The following POU2F3 variants were observed in gnomAD, a reference collection of about 807,000 sequenced individuals.
POU2F3 encodes POU class 2 homeobox 3, also known as POU domain, class 2, transcription factor 3.
Under a neutral mutation model 59.2 loss-of-function variants are expected in POU2F3, and 23 were observed. The observed-to-expected ratio is 0.39, with a 90% CI of 0.28 to 0.55. POU2F3 has a LOEUF of 0.55. Ranked by LOEUF, POU2F3 falls within the 20% of genes least tolerant of loss-of-function variation. The probability of loss-of-function intolerance (pLI) is 0.66; values close to 1 mark genes in which losing one functional copy is unlikely to be tolerated. For missense variants in POU2F3, 473 were observed against 544.5 expected, an observed-to-expected ratio of 0.87 and a Z score of 1.31; for synonymous variants, 190 against 214.6, an observed-to-expected ratio of 0.89 and a Z score of 1.00.
Position 120,298,309 on chromosome 11 carries a change from C to T in POU2F3, c.177C>T (p.Ser59=), listed in dbSNP as rs776113045. ...DLSDSLQQTL[S]HRPCHLSQGP... Reference sequence around the variant, plus strand: ...GTGACTCCCTGCAGCAGACCCTCTCCCATCGGCCATGCCACCTGAGTCAAG... The same window carrying T: ...GTGACTCCCTGCAGCAGACCCTCTCTCATCGGCCATGCCACCTGAGTCAAG... The change falls in exon 4 of 13, where the codon TCC becomes TCT. Residue 59 remains serine (S), a synonymous_variant. Transcript: ENST00000543440. The T allele has an allele frequency of 1.9e-6, 3 of 1,613,800 alleles. No homozygotes were observed. Among genetic ancestry groups the T allele is most frequent in the Admixed American group, 1.7e-5 (1 of 59,974 alleles).
intron 2 of POU2F3, among the ~76,000 whole-genome samples, chr11:120,252,554 T>C (rs1939154474): frequency 6.6e-6 from 1 of 152,178 alleles, no homozygotes; most frequent in Admixed American, 6.5e-5. Flanking sequence ...TTGTTTCTGC[T>C]TTCTGTGACA....
chr11:120,236,838 C>A, upstream of POU2F3: 1 of 875,378 alleles, frequency 1.1e-6, no homozygotes, highest in South Asian at 1.5e-5. Flanking sequence ...ACTTAGAGGG[C>A]ACCCCAGCCT....
At position 120,240,230 on chromosome 11, in the gene POU2F3, G is replaced by T; in HGVS notation, c.-114G>T. On this transcript the variant is annotated 5_prime_UTR_variant, in exon 1 of 13. Coordinates refer to ENST00000543440, the MANE Select transcript of POU2F3 (RefSeq NM_014352.4). Reference sequence around the variant, plus strand: ...GGCGACGGCTCCGGCAGCGGCTCCCGCGGCGGCGGCGGCCGGGAACTGGAG... The same window carrying T: ...GGCGACGGCTCCGGCAGCGGCTCCCTCGGCGGCGGCGGCCGGGAACTGGAG... 1.6e-6 allele frequency: 2 copies of T among 1,240,342 alleles called. No individual in the cohort carries two copies. Among genetic ancestry groups the T allele is most frequent in the Non-Finnish European group, 2.0e-6 (2 of 985,560 alleles). 76.8% of individuals were successfully genotyped at this position (1,240,342 alleles called of 1,614,324 possible). A position where few individuals can be genotyped will look rare whatever the true frequency, so the allele number is the denominator to read the frequency against.
At chr11:120,302,657 G>T (rs763277048) in intron 6 of POU2F3, 22 of 359,966 alleles carry the variant, frequency 6.1e-5, no homozygotes, top group Non-Finnish European at 9.1e-5. Context: ...CCCCAGCATT[G>T]CTCCTCTGAG....
At chr11:120,313,634 C>T (rs970825839) in intron 10 of POU2F3, among the ~76,000 whole-genome samples, 1 of 152,180 alleles carries the variant, frequency 6.6e-6, no homozygotes, top group Non-Finnish European at 1.5e-5. Context: ...AGGGGAACCA[C>T]GTATATGTCT....
chr11:120,307,958 G>A (rs1046258793), intron 9 of POU2F3, among the ~76,000 whole-genome samples: 13 of 152,152 alleles, frequency 8.5e-5, no homozygotes, highest in Admixed American at 7.2e-4. Flanking sequence ...AAAGTCAGGG[G>A]ATTGTATGTA....
chr11:120,236,800 T>A, upstream of POU2F3: 5 of 1,265,380 alleles, frequency 4.0e-6, no homozygotes, highest in Non-Finnish European at 5.6e-6. Context: ...TTGCTCACCA[T>A]TCCCCCTCAA....
intron 9 of POU2F3, 28 bp downstream of exon 9, chr11:120,307,643 G>A: frequency 6.2e-7 from 1 of 1,612,744 alleles, no homozygotes; most frequent in Non-Finnish European, 8.5e-7. Context: ...GTGGGCACGG[G>A]TGGGCTACCT....
intron 3 of POU2F3, among the ~76,000 whole-genome samples, chr11:120,297,346 G>C (rs1941219564): frequency 6.6e-6 from 1 of 152,192 alleles, no homozygotes; most frequent in Non-Finnish European, 1.5e-5. Context: ...GCAGGGTGGT[G>C]GAGACTGGAG....
At chr11:120,274,032 A>AG (rs1479737336) in intron 3 of POU2F3, among the ~76,000 whole-genome samples, 2 of 151,470 alleles carry the variant, frequency 1.3e-5, no homozygotes, top group African/African-American at 2.4e-5. Context: ...AAAGAAAAAA[A>AG]AGAGAGAGAG....
intron 6 of POU2F3, 51 bp from the exon 7 acceptor site, chr11:120,304,979 A>AAAAAAAT: frequency 3.7e-6 from 4 of 1,076,498 alleles, no homozygotes; most frequent in Non-Finnish European, 5.3e-6. Flanking sequence ...AAATCAGAAA[A>AAAAAAAT]TGTTATTTAT....
At chr11:120,294,030 C>A (rs891194068) in intron 3 of POU2F3, among the ~76,000 whole-genome samples, 1 of 152,130 alleles carries the variant, frequency 6.6e-6, no homozygotes, top group Admixed American at 6.5e-5. Context: ...GTCCTCACAC[C>A]TCCTGGCTAT....
At chr11:120,251,871 TGCAA>T (rs1939117477) in intron 2 of POU2F3, among the ~76,000 whole-genome samples, 1 of 145,822 alleles carries the variant, frequency 6.9e-6, no homozygotes, top group Non-Finnish European at 1.5e-5. Context: ...CTCAGCTCAC[TGCAA>T]CCTCTGCCTC....
chr11:120,246,329 T>A, intron 1 of POU2F3, 120 bp from the exon 2 acceptor site: 1 of 1,041,934 alleles, frequency 9.6e-7, no homozygotes, highest in Non-Finnish European at 1.5e-6. Context: ...GAATCAGGAA[T>A]TTGAAAGTCT....
At chr11:120,312,640 A>T (rs533457172) in intron 10 of POU2F3, among the ~76,000 whole-genome samples, 19 of 152,326 alleles carry the variant, frequency 1.2e-4, no homozygotes, top group African/African-American at 4.6e-4. Context: ...TTCCTTAAGC[A>T]TTCACTGAGC....
chr11:120,299,498 T>C (rs1021929123), intron 4 of POU2F3, 126 bp from the exon 5 acceptor site: 19 of 722,318 alleles, frequency 2.6e-5, no homozygotes, highest in Non-Finnish European at 4.1e-5. Flanking sequence ...CACAGTGGCA[T>C]AAACCAAGGT....
chr11:120,313,826 C>T (rs1245701913), intron 10 of POU2F3, among the ~76,000 whole-genome samples: 2 of 152,074 alleles, frequency 1.3e-5, no homozygotes, highest in Non-Finnish European at 2.9e-5. Flanking sequence ...CCAGCCTGGC[C>T]GACGTGGCAA....
Position 120,285,893 on chromosome 11 carries a change from T to C in POU2F3, c.133-12372T>C, listed in dbSNP as rs889687247. ...TTCTATTGTTTGGGGGTTTTTCTGT[T>C]TTTTTCTGAGACGGAGTCTTGCTCT... On this transcript the variant is annotated intron_variant, in intron 3 of 12. Transcript: ENST00000543440. This position sits in a 1 kb window ranked among gnomAD's most constrained non-coding sequence, Gnocchi z 4.3. 6.6e-6 allele frequency among the ~76,000 whole-genome samples: 1 copy of C among 151,926 alleles called. No homozygotes were observed. The highest frequency in any genetic ancestry group is 2.4e-5 in the African/African-American group (1 of 41,364).
intron 2 of POU2F3, among the ~76,000 whole-genome samples, chr11:120,267,053 A>G (rs1189290806): frequency 1.3e-5 from 2 of 152,116 alleles, no homozygotes; most frequent in Non-Finnish European, 2.9e-5. Flanking sequence ...AGAGAAAAGC[A>G]ATTTTACCTT....
Sources: allele counts gnomAD v4.1 joint callset (sites outside exome capture counted in the v4.1 genomes callset), GRCh38; gene constraint gnomAD v4.1.1; non-coding constraint Gnocchi (gnomAD v3.1); transcripts MANE v1.5; gene names NCBI Gene and HGNC (gene_info 2026-07-23, HGNC 2026-07-21).